Variants in XPR1 observed in about 807,000 individuals in gnomAD.
XPR1 encodes the protein xenotropic and polytropic retrovirus receptor 1, also known as solute carrier family 53 member 1.
A neutral mutation model predicts 87.5 loss-of-function variants in XPR1; 28 were observed. The observed-to-expected ratio is 0.32, with a 90% CI of 0.24 to 0.44. XPR1 has a LOEUF of 0.44. Among genes scored for constraint, XPR1 ranks in the 20% least tolerant of loss-of-function variants. The probability of loss-of-function intolerance (pLI) is 1.00; values close to 1 mark genes in which losing one functional copy is unlikely to be tolerated. For synonymous variants in XPR1, 300 were observed against 306.1 expected (o/e 0.98, Z 0.21); for missense variants, 559 against 862.3 (o/e 0.65, Z 4.41).
chr1:180,747,294 T>G (rs751102580), intron 2 of XPR1, among the ~76,000 whole-genome samples: 12 of 152,182 alleles, frequency 7.9e-5, no homozygotes, highest in Non-Finnish European at 1.8e-4. Context: ...CTTGTATCTT[T>G]TATCAGTCTT....
In XPR1 at chr1:180,663,031, T is replaced by G. The variant is rs953165936; in HGVS notation, c.70-19329T>G. On this transcript the variant is annotated intron_variant, in intron 1 of 14. Coordinates refer to ENST00000367590, the MANE Select transcript of XPR1 (RefSeq NM_004736.4). Reference sequence around the variant, plus strand: ...ATCTGATAGGGTTCTGAATTCCTCCTCTGCTTTATCTTGAATTTCTTGGGA... The same window carrying G: ...ATCTGATAGGGTTCTGAATTCCTCCGCTGCTTTATCTTGAATTTCTTGGGA... 3.9e-5 allele frequency among the ~76,000 whole-genome samples: 6 copies of G among 152,232 alleles called. No individual in the cohort carries two copies. In the East Asian group the frequency reaches 1.2e-3, roughly 29 times the overall value.
chr1:180,740,356 G>A (rs1335144525), intron 2 of XPR1, among the ~76,000 whole-genome samples: 1 of 151,864 alleles, frequency 6.6e-6, no homozygotes. Flanking sequence ...CTAGTTTGCT[G>A]AGAGATTTTA....
chr1:180,803,596 G>A lies in XPR1; in HGVS notation c.432G>A (p.Leu144=), dbSNP rs757503677. ...GTGAGTTCTACCTCAGTCTAATCCT[G>A]CTGCAGAACTATCAGGTACTTAGAT... ...AFSEFYLSLI[L]LQNYQNLNFT... The change falls in exon 4 of 15, where the codon CTG becomes CTA. Residue 144 remains leucine (L), a synonymous_variant. Coordinates refer to ENST00000367590, the MANE Select transcript of XPR1 (RefSeq NM_004736.4). 2 of 1,611,844 alleles carry A rather than the reference G, an allele frequency of 1.2e-6. No homozygotes were observed. Among genetic ancestry groups the A allele is most frequent in the East Asian group, 2.2e-5 (1 of 44,860 alleles).
intron 1 of XPR1, among the ~76,000 whole-genome samples, chr1:180,634,525 A>G (rs1654699376): frequency 6.6e-6 from 1 of 152,160 alleles, no homozygotes; most frequent in East Asian, 1.9e-4. Context: ...TTGGGGAAAA[A>G]GGACATCCAT....
At chr1:180,673,325 T>C (rs1656249362) in intron 1 of XPR1, among the ~76,000 whole-genome samples, 1 of 152,238 alleles carries the variant, frequency 6.6e-6, no homozygotes, top group Non-Finnish European at 1.5e-5. Context: ...ATTTTTTAGA[T>C]TGAATAATAT....
intron 12 of XPR1, among the ~76,000 whole-genome samples, chr1:180,865,019 A>T (rs73045793): frequency 0.043 from 6,547 of 152,272 alleles, 503 homozygotes; most frequent in African/African-American, 0.15. Context: ...ATGTCACTAG[A>T]ACCTTAAAAT....
chr1:180,790,887 T>A (rs1649353396), intron 3 of XPR1, among the ~76,000 whole-genome samples: 1 of 152,042 alleles, frequency 6.6e-6, no homozygotes, highest in Non-Finnish European at 1.5e-5. Flanking sequence ...AGATTTTCTG[T>A]ATGGGAAAAA....
chr1:180,877,155 G>A (rs1652690883), intron 13 of XPR1, among the ~76,000 whole-genome samples: 1 of 152,190 alleles, frequency 6.6e-6, no homozygotes, highest in African/African-American at 2.4e-5. Context: ...TTAAAGCTGT[G>A]TAGACGTGAG....
At chr1:180,843,474 C>A (rs183570900) in intron 11 of XPR1, among the ~76,000 whole-genome samples, 105 of 152,176 alleles carry the variant, frequency 6.9e-4, no homozygotes, top group Middle Eastern at 3.4e-3. Flanking sequence ...GCAATATTTG[C>A]TTAAGAACTG....
At chr1:180,840,008 G>C (rs1168745128) in intron 11 of XPR1, among the ~76,000 whole-genome samples, 3 of 152,042 alleles carry the variant, frequency 2.0e-5, no homozygotes, top group Non-Finnish European at 4.4e-5. Flanking sequence ...TGGATCATGA[G>C]GTCAGGAGAT....
At chr1:180,702,343 A>T (rs558184435) in intron 2 of XPR1, among the ~76,000 whole-genome samples, 2 of 137,748 alleles carry the variant, frequency 1.5e-5, no homozygotes, top group Non-Finnish European at 3.1e-5. Flanking sequence ...TGCTGAGGAG[A>T]GCTTTACTTC....
intron 14 of XPR1, among the ~76,000 whole-genome samples, chr1:180,881,385 G>A (rs765083079): frequency 4.6e-5 from 7 of 152,118 alleles, no homozygotes; most frequent in Admixed American, 2.6e-4. Context: ...GGATGGTCTC[G>A]ATCTCCTGAC....
intron 2 of XPR1, among the ~76,000 whole-genome samples, chr1:180,764,717 G>A (rs1005927981): frequency 1.1e-4 from 16 of 151,414 alleles, no homozygotes; most frequent in Admixed American, 9.9e-4. Context: ...TGATCCACCC[G>A]CCTCAGCCTC....
At chr1:180,733,162 A>G (rs1658614415) in intron 2 of XPR1, among the ~76,000 whole-genome samples, 1 of 152,110 alleles carries the variant, frequency 6.6e-6, no homozygotes, top group South Asian at 2.1e-4. Context: ...TTCTATAGGC[A>G]CTGGATAGGG....
At chr1:180,829,805 A>T in intron 9 of XPR1, among the ~76,000 whole-genome samples, 1 of 149,268 alleles carries the variant, frequency 6.7e-6, no homozygotes. Flanking sequence ...CTTTTTGTAA[A>T]TTTTCCCTTC....
At chr1:180,727,334 C>G (rs940334146) in intron 2 of XPR1, among the ~76,000 whole-genome samples, 3 of 152,078 alleles carry the variant, frequency 2.0e-5, no homozygotes, top group East Asian at 3.9e-4. Context: ...GAGGCAAGTC[C>G]ATAGAGCAAA....
chr1:180,764,931 G>C (rs1039665886), intron 2 of XPR1, among the ~76,000 whole-genome samples: 1 of 151,140 alleles, frequency 6.6e-6, no homozygotes. Context: ...GACTGCAGGC[G>C]CCCACCACCA....
In XPR1 at chr1:180,762,698, C is replaced by G. The variant is rs538931609; in HGVS notation, c.122-25055C>G. ...CGCTGATGAAAATCAGATACCAGAA[C>G]AAGTCTATAATGCTAATGAAACATT... On this transcript the variant is annotated intron_variant, in intron 2 of 14. Coordinates refer to ENST00000367590, the MANE Select transcript of XPR1 (RefSeq NM_004736.4). Among the ~76,000 whole-genome samples, 46 of 152,274 alleles carry G rather than the reference C, an allele frequency of 3.0e-4. 1 individual carries two copies. In the South Asian group the frequency reaches 7.0e-3, roughly 23 times the overall value.
At chr1:180,762,725 C>G (rs1428964834) in intron 2 of XPR1, among the ~76,000 whole-genome samples, 3 of 152,186 alleles carry the variant, frequency 2.0e-5, no homozygotes, top group African/African-American at 4.8e-5. Context: ...TGAAACATTA[C>G]TGTTTGGTGT....
Sources: gnomAD v4.1 joint callset for allele counts (sites outside exome capture counted in the v4.1 genomes callset) on GRCh38, gnomAD v4.1.1 for gene constraint, MANE v1.5 for transcripts, NCBI Gene and HGNC (gene_info 2026-07-23, HGNC 2026-07-21) for gene names.